Variants in CPAMD8 observed in about 807,000 individuals in gnomAD.
CPAMD8 encodes the protein C3 and PZP like alpha-2-macroglobulin domain containing 8.
A neutral mutation model predicts 224.7 loss-of-function variants in CPAMD8; 146 were observed. The ratio of observed to expected loss-of-function variants is 0.65; its 90% CI spans 0.57 to 0.75. The LOEUF (loss-of-function observed/expected upper bound fraction) is 0.75. Ranked by LOEUF, CPAMD8 falls within the 30% of genes least tolerant of loss-of-function variation. The pLI is 0.00. For synonymous variants in CPAMD8, 966 were observed against 1,044.6 expected (o/e 0.92, Z 1.45); for missense variants, 2,301 against 2,537.5 (o/e 0.91, Z 2.00).
chr19:16,901,535 G>A (rs2052258101), intron 35 of CPAMD8, among the ~76,000 whole-genome samples: 1 of 152,182 alleles, frequency 6.6e-6, no homozygotes, highest in African/African-American at 2.4e-5. Context: ...GCCTGACCAG[G>A]TCTCTTGACT....
intron 13 of CPAMD8, among the ~76,000 whole-genome samples, chr19:16,985,450 A>AGATG (rs199636699): frequency 8.4e-4 from 113 of 135,022 alleles, no homozygotes; most frequent in South Asian, 7.7e-3. Flanking sequence ...GAGAGAGGGT[A>AGATG]GATGGATGGA....
intron 13 of CPAMD8, among the ~76,000 whole-genome samples, chr19:16,984,313 C>CAA (rs34428169): frequency 8.0e-4 from 68 of 84,928 alleles, no homozygotes; most frequent in Admixed American, 2.8e-3. Flanking sequence ...GGTCCTATCT[C>CAA]AAAAAAAAAA....
chr19:17,021,583 C>T (rs1156353071), intron 2 of CPAMD8, among the ~76,000 whole-genome samples: 1 of 152,180 alleles, frequency 6.6e-6, no homozygotes, highest in Non-Finnish European at 1.5e-5. Context: ...TGCATTTGAC[C>T]AAGGAGTGAA....
intron 18 of CPAMD8, among the ~76,000 whole-genome samples, chr19:16,968,526 T>C (rs1026992870): frequency 2.6e-5 from 4 of 152,202 alleles, no homozygotes; most frequent in Admixed American, 2.6e-4. Context: ...TAGAACCTAT[T>C]TGGCAGTGAG....
chr19:16,914,407 A>T lies in CPAMD8; in HGVS notation c.3861+17T>A. ...AGTGCCCAGCCCCGAGTCTCCCCAA[A>T]CCCCTTCTGTACTCACCTCTGAGGC... is the stretch of plus-strand genomic sequence containing the variant. On this transcript the variant is annotated intron_variant, in intron 29 of 41. Transcript: ENST00000443236. The T allele has an allele frequency of 6.2e-7, 1 of 1,612,672 alleles. No individual in the cohort carries two copies. The highest frequency in any genetic ancestry group is 8.5e-7 in the Non-Finnish European group (1 of 1,178,868).
chr19:16,977,409 C>A lies in CPAMD8; in HGVS notation c.1717G>T (p.Asp573Tyr). The A allele has an allele frequency of 6.2e-7, 1 of 1,612,646 alleles. No individual in the cohort carries two copies. The highest frequency in any genetic ancestry group is 8.5e-7 in the Non-Finnish European group (1 of 1,179,300). The change falls in exon 15 of 42, where the codon GAC (aspartate) becomes TAC (tyrosine). Residue 573 changes from aspartate (D) to tyrosine (Y), a missense_variant. Physicochemically the swap from Asp to Tyr is radical, Grantham distance 160 (BLOSUM62 -3). Coordinates refer to ENST00000443236, the MANE Select transcript of CPAMD8 (RefSeq NM_015692.5). ...GTCTCGACTGCAAACTGAAGGCTGT[C>A]GGCGACCCCTTCTCCATTCTCCCTG... The part of the protein sequence containing the change: ...YVRENGEGVA[D>Y]SLQFAVETFF...
At chr19:16,989,578 CACCTGGCTCA>C in intron 13 of CPAMD8, 55 bp downstream of exon 13, 2 of 1,567,734 alleles carry the variant, frequency 1.3e-6, no homozygotes, top group African/African-American at 2.7e-5. Flanking sequence ...TGAGCCACAG[CACCTGGCTCA>C]TGCTGCTTTT....
chr19:17,002,367 G>A lies in CPAMD8; in HGVS notation c.674-17C>T. On this transcript the variant is annotated splice_polypyrimidine_tract_variant and intron_variant, in intron 8 of 41. Coordinates refer to ENST00000443236, the MANE Select transcript of CPAMD8 (RefSeq NM_015692.5). Reference sequence around the variant, plus strand: ...TGGGCAACACTGAAGAAAGCAAGCAGAGAGGAGGGGCTGGCTTCTGTCCCT... The same window carrying A: ...TGGGCAACACTGAAGAAAGCAAGCAAAGAGGAGGGGCTGGCTTCTGTCCCT... The A allele has an allele frequency of 2.5e-6, 4 of 1,579,006 alleles. No individual in the cohort carries two copies. Among genetic ancestry groups the A allele is most frequent in the Non-Finnish European group, 3.5e-6 (4 of 1,153,652 alleles).
At chr19:16,923,493 C>T (rs1472829561) in intron 26 of CPAMD8, among the ~76,000 whole-genome samples, 1 of 152,142 alleles carries the variant, frequency 6.6e-6, no homozygotes, top group Non-Finnish European at 1.5e-5. Context: ...GACCGGTGAC[C>T]AAAGAAATTC....
intron 39 of CPAMD8, chr19:16,897,076 G>C (rs539223433): frequency 3.0e-5 from 2 of 66,252 alleles, no homozygotes; most frequent in Non-Finnish European, 5.5e-5. Context: ...CGCCCCCTCC[G>C]TCCTGACCAC....
At chr19:16,937,093 T>C (rs200203859) in intron 23 of CPAMD8, among the ~76,000 whole-genome samples, 1 of 132,830 alleles carries the variant, frequency 7.5e-6, no homozygotes, top group Admixed American at 7.7e-5. Context: ...TCCTTCCTCC[T>C]TCCTTCCTTT....
intron 26 of CPAMD8, among the ~76,000 whole-genome samples, chr19:16,924,923 GT>G (rs1439519472): frequency 1.3e-5 from 2 of 150,828 alleles, no homozygotes; most frequent in Non-Finnish European, 2.9e-5. Context: ...TAATAATGCT[GT>G]TATATTATTA....
At chr19:17,025,550 C>T (rs1248737935) in intron 1 of CPAMD8, among the ~76,000 whole-genome samples, 1 of 152,184 alleles carries the variant, frequency 6.6e-6, no homozygotes, top group Non-Finnish European at 1.5e-5. Flanking sequence ...ACCTGCACAT[C>T]GAAAGCTGTT....
intron 23 of CPAMD8, 64 bp from the exon 24 acceptor site, chr19:16,929,304 G>C: frequency 7.4e-7 from 1 of 1,347,776 alleles, no homozygotes; most frequent in Admixed American, 1.9e-5. Flanking sequence ...TTTCCCTGAT[G>C]GTACCTGGAG....
intron 1 of CPAMD8, among the ~76,000 whole-genome samples, chr19:17,023,103 A>G (rs888162954): frequency 1.3e-5 from 2 of 152,124 alleles, no homozygotes; most frequent in African/African-American, 4.8e-5. Flanking sequence ...AAAACAAACC[A>G]TAGGGCCTCA....
intron 3 of CPAMD8, chr19:17,013,505 C>T (rs926887471): frequency 4.0e-5 from 1 of 24,776 alleles, no homozygotes; most frequent in Non-Finnish European, 6.6e-5. Flanking sequence ...AGCGAGACTC[C>T]GCCTCAAAAA....
Position 16,952,011 on chromosome 19 carries a change from C to T in CPAMD8, c.2466G>A (p.Lys822=). 4 of 1,583,876 alleles carry T rather than the reference C, an allele frequency of 2.5e-6. No homozygotes were observed. The highest frequency in any genetic ancestry group is 3.4e-6 in the Non-Finnish European group (4 of 1,163,710). ...TGTAGTTGTAGACACTGAGCGGGAT[C>T]TTGACCTGCTCCCCACGGATGATGA... ...PALIIRGEQV[K]IPLSVYNYMG... Residue 822 remains lysine (K), a synonymous_variant, in exon 20 of 42, where the codon AAG becomes AAA. Coordinates refer to ENST00000443236, the MANE Select transcript of CPAMD8 (RefSeq NM_015692.5).
At chr19:17,018,052 G>T (rs1442809895) in intron 3 of CPAMD8, among the ~76,000 whole-genome samples, 1 of 151,174 alleles carries the variant, frequency 6.6e-6, no homozygotes, top group Non-Finnish European at 1.5e-5. Flanking sequence ...AAAAAGTAAG[G>T]CAGGAAGACC....
At chr19:16,923,548 A>G (rs1357167971) in intron 26 of CPAMD8, among the ~76,000 whole-genome samples, 5 of 152,240 alleles carry the variant, frequency 3.3e-5, no homozygotes, top group Non-Finnish European at 5.9e-5. Flanking sequence ...TTGGAACCCA[A>G]AAATGGGACC....
Sources: gnomAD v4.1 joint callset for allele counts (sites outside exome capture counted in the v4.1 genomes callset) on GRCh38, gnomAD v4.1.1 for gene constraint, MANE v1.5 for transcripts, NCBI Gene and HGNC (gene_info 2026-07-23, HGNC 2026-07-21) for gene names.